The following SH3BP4 variants were observed in gnomAD, a reference collection of about 807,000 sequenced individuals.
The protein encoded by SH3BP4 is SH3 domain-binding protein 4.
In SH3BP4, 33 loss-of-function variants were observed where a neutral mutation model predicts 65.5. The observed-to-expected ratio is 0.50, with a 90% confidence interval of 0.38 to 0.67. The LOEUF (loss-of-function observed/expected upper bound fraction) is 0.67. Ranked by LOEUF, SH3BP4 falls within the 30% of genes least tolerant of loss-of-function variation. The probability of loss-of-function intolerance (pLI) is 0.00; values close to 1 mark genes in which losing one functional copy is unlikely to be tolerated. For synonymous variants in SH3BP4, 552 were observed against 545.5 expected, an observed-to-expected ratio of 1.01 and a Z score of -0.17; for missense variants, 1,134 against 1,261.4, an observed-to-expected ratio of 0.90 and a Z score of 1.53.
intron 1 of SH3BP4, among the ~76,000 whole-genome samples, chr2:234,962,030 G>A (rs1416396657): frequency 6.6e-6 from 1 of 152,160 alleles, no homozygotes; most frequent in African/African-American, 2.4e-5. Flanking sequence ...GTCTTTACCT[G>A]CCCTGACTTC....
intron 1 of SH3BP4, among the ~76,000 whole-genome samples, chr2:234,983,870 G>A (rs1693465529): frequency 6.6e-6 from 1 of 152,238 alleles, no homozygotes; most frequent in South Asian, 2.1e-4. Context: ...CCTCCAGAAG[G>A]CACTGGCCCT....
chr2:234,981,834 T>A (rs1196672236), intron 1 of SH3BP4: 1 of 152,208 alleles, frequency 6.6e-6, no homozygotes, highest in East Asian at 1.9e-4. Flanking sequence ...CAATCCCTTG[T>A]TGATAGTTAG....
intron 2 of SH3BP4, among the ~76,000 whole-genome samples, chr2:235,018,874 T>C (rs76096890): frequency 6.6e-6 from 1 of 152,168 alleles, no homozygotes. Flanking sequence ...AGGTAAGTCA[T>C]GTGCCCTCAA....
At chr2:234,982,907 G>A (rs1308430091) in intron 1 of SH3BP4, among the ~76,000 whole-genome samples, 1 of 152,194 alleles carries the variant, frequency 6.6e-6, no homozygotes, top group African/African-American at 2.4e-5. Flanking sequence ...CTTGAGCCGG[G>A]GATAATACAA....
chr2:235,038,387 ATATATATAT>A (rs1695519423), intron 3 of SH3BP4, among the ~76,000 whole-genome samples: 1 of 14,146 alleles, frequency 7.1e-5, no homozygotes, highest in Non-Finnish European at 9.9e-5. Flanking sequence ...ATATATATAT[ATATATATAT>A]ATATATATAT....
chr2:234,977,524 T>C lies in SH3BP4; in HGVS notation c.-206-17779T>C, dbSNP rs911869703. Among the ~76,000 whole-genome samples the C allele has an allele frequency of 6.6e-6, 1 of 152,126 alleles. No individual in the cohort carries two copies. Among genetic ancestry groups the C allele is most frequent in the Non-Finnish European group, 1.5e-5 (1 of 68,016 alleles). On this transcript the variant is annotated intron_variant, in intron 1 of 5. Transcript: ENST00000392011. The surrounding 1 kb of genome is among the most constrained non-coding windows in gnomAD (Gnocchi z 5.1). The stretch of plus-strand genomic sequence containing the variant: ...ACAATGGTGCATTATTAAACTGCTC[T>C]GAAACTCAGAGCCCAGAGCACCCAG...
chr2:235,049,836 C>T (rs56910803), intron 4 of SH3BP4, among the ~76,000 whole-genome samples: 2,582 of 152,252 alleles, frequency 0.017, 84 homozygotes, highest in African/African-American at 0.059. Flanking sequence ...TTTGCCTCCA[C>T]GCCTGTCACT....
chr2:234,977,465 G>T lies in SH3BP4; in HGVS notation c.-206-17838G>T, dbSNP rs73995705. Reference sequence around the variant, plus strand: ...CACGGAGGCAGATCAGCTTTTTGCCGAGTGAACTTGAGAACCGGAGCAGAG... The same window carrying T: ...CACGGAGGCAGATCAGCTTTTTGCCTAGTGAACTTGAGAACCGGAGCAGAG... On this transcript the variant is annotated intron_variant, in intron 1 of 5. Coordinates refer to ENST00000392011, the MANE Select transcript of SH3BP4 (RefSeq NM_014521.3). This position sits in a 1 kb window ranked among gnomAD's most constrained non-coding sequence, Gnocchi z 5.1. Among the ~76,000 whole-genome samples the T allele has an allele frequency of 0.18, 27,763 of 152,152 alleles. 2,805 individuals carry two copies. The highest frequency in any genetic ancestry group is 0.22 in the Non-Finnish European group (15,100 of 67,982).
In SH3BP4 at chr2:235,041,433, G is replaced by A. The variant is rs761558800; in HGVS notation, c.664G>A (p.Val222Ile). The A allele has an allele frequency of 8.1e-6, 13 of 1,614,046 alleles. No homozygotes were observed. The East Asian group carries it at 1.8e-4, about 22-fold the overall frequency. The change falls in exon 4 of 6, where the codon GTC (valine) becomes ATC (isoleucine). Residue 222 changes from valine (V) to isoleucine (I), a missense_variant. Coordinates refer to ENST00000392011, the MANE Select transcript of SH3BP4 (RefSeq NM_014521.3). The surrounding 1 kb of genome is among the most constrained non-coding windows in gnomAD (Gnocchi z 6.0). ...TGGCAACATCTTCGATGAGCTTCCAGTCACAAACGGACTCCACGCAGAGCC... is the reference window on the plus strand; with the variant it reads ...TGGCAACATCTTCGATGAGCTTCCAATCACAAACGGACTCCACGCAGAGCC... ...STGNIFDELP[V>I]TNGLHAEPPV... is the part of the protein sequence containing the mutation.
At chr2:235,044,710 G>T (rs531310080) in intron 4 of SH3BP4, among the ~76,000 whole-genome samples, 28 of 152,244 alleles carry the variant, frequency 1.8e-4, no homozygotes, top group Non-Finnish European at 3.7e-4. Flanking sequence ...AGAGTGTCCT[G>T]TAGACACAGG....
intron 1 of SH3BP4, among the ~76,000 whole-genome samples, chr2:234,955,156 G>A (rs977104745): frequency 6.6e-6 from 1 of 152,104 alleles, no homozygotes; most frequent in Non-Finnish European, 1.5e-5. Flanking sequence ...CGAGGTAGCC[G>A]CCTGACAACC....
chr2:234,995,611 T>TGGGAAGGTCATTTG (rs1432363438), intron 2 of SH3BP4: 1 of 152,352 alleles, frequency 6.6e-6, no homozygotes, highest in African/African-American at 2.4e-5. Flanking sequence ...GTCCCCAGTG[T>TGGGAAGGTCATTTG]GGGAAGGTCA....
chr2:235,054,558 A>G lies in SH3BP4; in HGVS notation c.*742A>G, dbSNP rs1696167510. On this transcript the variant is annotated 3_prime_UTR_variant, in exon 6 of 6. Coordinates refer to ENST00000392011, the MANE Select transcript of SH3BP4 (RefSeq NM_014521.3). ...TAGGTGCCCTGAGCTGTTTCTGCCA[A>G]TAGATTAGAAAGCAGCCATGAGTTG... The G allele has an allele frequency of 2.0e-5, 3 of 152,212 alleles. No individual in the cohort carries two copies. The allele number at this position is 152,212 out of a possible 1,614,324, so 9.4% of individuals were successfully genotyped here.
At chr2:234,994,315 A>G (rs961001278) in intron 1 of SH3BP4, among the ~76,000 whole-genome samples, 2 of 152,170 alleles carry the variant, frequency 1.3e-5, no homozygotes, top group African/African-American at 4.8e-5. Context: ...TGCATGTTAA[A>G]TATTTACATG....
At chr2:235,027,208 A>G (rs1343977171) in intron 2 of SH3BP4, among the ~76,000 whole-genome samples, 1 of 152,262 alleles carries the variant, frequency 6.6e-6, no homozygotes, top group African/African-American at 2.4e-5. Context: ...GCTGTTGCCC[A>G]GACCAGTCGG....
intron 2 of SH3BP4, among the ~76,000 whole-genome samples, chr2:235,006,359 C>T (rs1049233671): frequency 5.9e-5 from 9 of 152,152 alleles, no homozygotes; most frequent in African/African-American, 1.9e-4. Context: ...TGGGTTTGGT[C>T]AAGAGTGGAT....
intron 3 of SH3BP4, among the ~76,000 whole-genome samples, chr2:235,037,234 G>C (rs978709834): frequency 6.6e-6 from 1 of 152,232 alleles, no homozygotes; most frequent in East Asian, 1.9e-4. Context: ...GATAGAATTC[G>C]TTAGGGATTC....
Position 235,055,569 on chromosome 2 carries a change from AAT to A in SH3BP4, c.*1755_*1756del, listed in dbSNP as rs1696198437. The stretch of plus-strand genomic sequence containing the variant: ...GGATATTTTTTCCTCAGGGGCTTTA[AAT>A]AGTTTCCTATGCAACGTGTCTTGTA... On this transcript the variant is annotated 3_prime_UTR_variant, in exon 6 of 6. Transcript: ENST00000392011. 6.6e-6 allele frequency: 1 copy of A among 152,628 alleles called. No homozygotes were observed. The highest frequency in any genetic ancestry group is 2.4e-5 in the African/African-American group (1 of 41,446). The allele number at this position is 152,628 out of a possible 1,614,324, so 9.5% of individuals were successfully genotyped here. A position where few individuals can be genotyped will look rare whatever the true frequency, so the allele number is the denominator to read the frequency against.
chr2:235,025,901 A>G (rs902690442), intron 2 of SH3BP4, among the ~76,000 whole-genome samples: 5 of 152,180 alleles, frequency 3.3e-5, no homozygotes, highest in African/African-American at 1.2e-4. Context: ...AGAAAGGCAC[A>G]AGGTCTGGAG....
Sources: gnomAD v4.1 joint callset for allele counts (sites outside exome capture counted in the v4.1 genomes callset) on GRCh38, gnomAD v4.1.1 for gene constraint, Gnocchi (gnomAD v3.1) non-coding constraint, MANE v1.5 for transcripts, NCBI Gene and HGNC (gene_info 2026-07-23, HGNC 2026-07-21) for gene names.